The following SYCP1 variants were observed in gnomAD, a reference collection of about 807,000 sequenced individuals.
SYCP1 encodes the protein cancer/testis antigen 8.
In SYCP1, 64 loss-of-function variants were observed where a neutral mutation model predicts 153.1. The observed-to-expected ratio is 0.42, with a 90% CI of 0.34 to 0.51. The LOEUF (loss-of-function observed/expected upper bound fraction) is 0.51, where lower values mean the gene tolerates loss of function less well. SYCP1 is among the 20% of genes least tolerant of loss of function. The pLI is 0.06. For synonymous variants in SYCP1, 384 were observed against 341.8 expected, an observed-to-expected ratio of 1.12 and a Z score of -1.36; for missense variants, 997 against 1,049.0, an observed-to-expected ratio of 0.95 and a Z score of 0.68.
At chr1:114,895,256 A>G (rs1666980371) in intron 15 of SYCP1, among the ~76,000 whole-genome samples, 192 bp from the exon 16 acceptor site, 1 of 152,114 alleles carries the variant, frequency 6.6e-6, no homozygotes. Context: ...TTAGAGAAAC[A>G]TTACTATTAA....
At chr1:114,856,501 T>A in intron 2 of SYCP1, 72 bp from the exon 3 acceptor site, 1 of 982,866 alleles carries the variant, frequency 1.0e-6, no homozygotes, top group Non-Finnish European at 1.5e-6. Flanking sequence ...ATATTACATA[T>A]GTATATATTA....
At chr1:114,955,015 A>G (rs978937600) in intron 27 of SYCP1, among the ~76,000 whole-genome samples, 1 of 152,250 alleles carries the variant, frequency 6.6e-6, no homozygotes, top group Non-Finnish European at 1.5e-5. Context: ...TTTTTAACCA[A>G]TAAGTATGAT....
chr1:114,899,943 G>T (rs1215743412), intron 16 of SYCP1, among the ~76,000 whole-genome samples: 1 of 152,134 alleles, frequency 6.6e-6, no homozygotes. Flanking sequence ...TATGTTAGAG[G>T]TTGAAAACAC....
At chr1:114,925,713 A>G (rs1478871403) in intron 21 of SYCP1, among the ~76,000 whole-genome samples, 1 of 152,130 alleles carries the variant, frequency 6.6e-6, no homozygotes, top group African/African-American at 2.4e-5. Flanking sequence ...TGTGAAAGCT[A>G]TATTTAGGGG....
At chr1:114,935,053 C>A (rs536483312) in intron 23 of SYCP1, among the ~76,000 whole-genome samples, 3 of 151,990 alleles carry the variant, frequency 2.0e-5, no homozygotes, top group East Asian at 1.9e-4. Context: ...TGCACCAAGC[C>A]GACCTAATAG....
At chr1:114,953,099 C>T (rs1284078447) in intron 27 of SYCP1, among the ~76,000 whole-genome samples, 2 of 152,142 alleles carry the variant, frequency 1.3e-5, no homozygotes. Context: ...TGATGGGATT[C>T]CTGCCACCCA....
At chr1:114,896,455 G>T (rs1304062544) in intron 16 of SYCP1, among the ~76,000 whole-genome samples, 1 of 152,044 alleles carries the variant, frequency 6.6e-6, no homozygotes, top group Non-Finnish European at 1.5e-5. Flanking sequence ...TCTTTGTATG[G>T]CTTATTTCCA....
At chr1:114,876,881 A>T (rs1665576491) in intron 11 of SYCP1, 71 bp downstream of exon 11, 1 of 814,184 alleles carries the variant, frequency 1.2e-6, no homozygotes, top group South Asian at 4.3e-5. Context: ...ATTTCAAAAG[A>T]AGTTTATATT....
intron 15 of SYCP1, among the ~76,000 whole-genome samples, chr1:114,889,082 C>A (rs1163485107): frequency 6.6e-6 from 1 of 152,162 alleles, no homozygotes; most frequent in Admixed American, 6.5e-5. Flanking sequence ...ATATGTGCTA[C>A]ATTTTCTTTA....
intron 20 of SYCP1, among the ~76,000 whole-genome samples, chr1:114,915,194 G>C (rs1457038508): frequency 6.6e-6 from 1 of 152,066 alleles, no homozygotes; most frequent in African/African-American, 2.4e-5. Context: ...AACTCAGGTA[G>C]CAGCATCAAT....
chr1:114,895,808 A>G (rs2101599335), intron 16 of SYCP1, among the ~76,000 whole-genome samples: 1 of 152,232 alleles, frequency 6.6e-6, no homozygotes, highest in Middle Eastern at 3.4e-3. Flanking sequence ...GTACCCTTTG[A>G]ACAATAAAGA....
intron 8 of SYCP1, among the ~76,000 whole-genome samples, chr1:114,869,378 A>G (rs1321040484): frequency 6.6e-6 from 1 of 152,156 alleles, no homozygotes. Flanking sequence ...GTTTAATTCC[A>G]TTGTGATCTG....
At chr1:114,991,404 T>G (rs1197789738) in intron 30 of SYCP1, among the ~76,000 whole-genome samples, 1 of 151,812 alleles carries the variant, frequency 6.6e-6, no homozygotes, top group African/African-American at 2.4e-5. Flanking sequence ...GTAAAACTAC[T>G]CAACAGAATA....
chr1:114,965,453 C>T (rs1672055148), intron 27 of SYCP1, among the ~76,000 whole-genome samples: 1 of 152,166 alleles, frequency 6.6e-6, no homozygotes, highest in Admixed American at 6.5e-5. Flanking sequence ...AAAGGGAATA[C>T]TTCCAGGTTT....
Position 114,913,090 on chromosome 1 carries a change from G to A in SYCP1, c.1587G>A (p.Glu529=). 1 of 1,612,224 alleles carries A rather than the reference G, an allele frequency of 6.2e-7. No individual in the cohort carries two copies. The highest frequency in any genetic ancestry group is 8.5e-7 in the Non-Finnish European group (1 of 1,178,932). Residue 529 remains glutamate (E), a synonymous_variant, in exon 19 of 32, where the codon GAG becomes GAA. Transcript: ENST00000369522. ...ACAAGCTTTCACTAGAAAACAAAGA[G>A]CTCACACAGGAAACAAGTGATATGA... The part of the protein sequence containing the change: ...HCNKLSLENK[E]LTQETSDMTL...
intron 30 of SYCP1, among the ~76,000 whole-genome samples, chr1:114,990,416 C>A (rs1282749175): frequency 6.6e-6 from 1 of 151,488 alleles, no homozygotes. Context: ...TAACTTTATA[C>A]CTTAGTAAAG....
chr1:114,944,454 AG>A lies in SYCP1; in HGVS notation c.2043+1del. The stretch of plus-strand genomic sequence containing the variant: ...ATATCAGAAGAAAATCTTTTGGAAG[AG>A]GTGGGAAAAACTTAATGTATTAAGA... ...KKISEENLLE[E>X]VEKAKVIADE... is the part of the protein sequence containing the mutation. On this transcript the variant is annotated frameshift_variant and splice_region_variant, in exon 24 of 32. Coordinates refer to ENST00000369522, the MANE Select transcript of SYCP1 (RefSeq NM_003176.4). LOFTEE classifies it high-confidence loss of function. The A allele has an allele frequency of 6.4e-7, 1 of 1,561,314 alleles. No homozygotes were observed. Among genetic ancestry groups the A allele is most frequent in the Non-Finnish European group, 8.8e-7 (1 of 1,142,422 alleles).
intron 8 of SYCP1, among the ~76,000 whole-genome samples, chr1:114,870,050 G>C (rs186968797): frequency 1.2e-4 from 19 of 152,206 alleles, no homozygotes; most frequent in African/African-American, 4.6e-4. Context: ...GTCTTGGTCT[G>C]TTACCCAGAC....
At chr1:114,937,619 TG>T (rs1454585983) in intron 23 of SYCP1, among the ~76,000 whole-genome samples, 6 of 152,198 alleles carry the variant, frequency 3.9e-5, no homozygotes, top group African/African-American at 1.4e-4. Context: ...ACCTACAGAA[TG>T]GGAGAAAATT....
Sources: allele counts gnomAD v4.1 joint callset (sites outside exome capture counted in the v4.1 genomes callset), GRCh38; gene constraint gnomAD v4.1.1; transcripts MANE v1.5; gene names NCBI Gene and HGNC (gene_info 2026-07-23, HGNC 2026-07-21).